Variants in TTC27 observed in about 807,000 individuals in gnomAD.
TTC27 encodes tetratricopeptide repeat domain 27.
A neutral mutation model predicts 115.9 loss-of-function variants in TTC27; 79 were observed. The observed-to-expected ratio is 0.68, with a 90% CI of 0.57 to 0.82. The LOEUF is 0.82. Ranked by LOEUF, TTC27 falls within the 40% of genes least tolerant of loss-of-function variation. The pLI is 0.00. For missense variants in TTC27, 1,054 were observed against 993.1 expected, an observed-to-expected ratio of 1.06 and a Z score of -0.82; for synonymous variants, 401 against 356.0, an observed-to-expected ratio of 1.13 and a Z score of -1.42.
chr2:32,790,830 T>A (rs1670511380), intron 16 of TTC27, among the ~76,000 whole-genome samples: 1 of 152,216 alleles, frequency 6.6e-6, no homozygotes, highest in Admixed American at 6.5e-5. Context: ...TATCTGAATT[T>A]ATTTCATCAG....
intron 13 of TTC27, among the ~76,000 whole-genome samples, chr2:32,764,493 C>A (rs1669557220): frequency 6.6e-6 from 1 of 152,164 alleles, no homozygotes; most frequent in Non-Finnish European, 1.5e-5. Context: ...GAGTTATCAT[C>A]TTTTTGCTGG....
At chr2:32,756,055 A>G (rs1304387507) in intron 12 of TTC27, among the ~76,000 whole-genome samples, 1 of 152,232 alleles carries the variant, frequency 6.6e-6, no homozygotes, top group Non-Finnish European at 1.5e-5. Flanking sequence ...CAACCAGATC[A>G]GATACCAATC....
intron 2 of TTC27, among the ~76,000 whole-genome samples, chr2:32,633,415 T>A (rs1664288590): frequency 6.6e-6 from 1 of 151,796 alleles, no homozygotes; most frequent in African/African-American, 2.4e-5. Flanking sequence ...AGACCTAATT[T>A]CTTTTTTTTT....
At chr2:32,694,691 T>TTC (rs1553551968) in intron 9 of TTC27, among the ~76,000 whole-genome samples, 2 of 150,614 alleles carry the variant, frequency 1.3e-5, no homozygotes, top group African/African-American at 2.4e-5. Flanking sequence ...TTTTTTTTTT[T>TTC]CCACAAGGTT....
intron 10 of TTC27, among the ~76,000 whole-genome samples, chr2:32,729,993 G>A (rs1013925676): frequency 6.6e-6 from 1 of 152,202 alleles, no homozygotes; most frequent in African/African-American, 2.4e-5. Context: ...TTCTGGGCGT[G>A]TGTGAAAGCT....
chr2:32,681,980 ATGTGTGTGTGTGTGTGTGTG>A lies in TTC27; in HGVS notation c.1119+3086_1119+3105del, dbSNP rs70938359. On this transcript the variant is annotated intron_variant, in intron 9 of 19. Coordinates refer to ENST00000317907, the MANE Select transcript of TTC27 (RefSeq NM_017735.5). ...TAATTATTTATATATATGTATATAT[ATGTGTGTGTGTGTGTGTGTG>A]TGTGTGTGTGTGTGTGTGTGTGTGT... 6.8e-4 allele frequency among the ~76,000 whole-genome samples: 61 copies of A among 90,042 alleles called. No homozygotes were observed. The South Asian group carries it at 0.02, about 29-fold the overall frequency. 59.1% of individuals were successfully genotyped at this position (90,042 alleles called of 152,430 possible).
intron 16 of TTC27, among the ~76,000 whole-genome samples, chr2:32,802,591 A>G (rs1670990560): frequency 6.6e-6 from 1 of 152,128 alleles, no homozygotes; most frequent in Non-Finnish European, 1.5e-5. Flanking sequence ...TGCCACATCC[A>G]GTGGACAGTT....
At chr2:32,784,026 T>C (rs1226686659) in intron 15 of TTC27, among the ~76,000 whole-genome samples, 1 of 152,212 alleles carries the variant, frequency 6.6e-6, no homozygotes, top group Non-Finnish European at 1.5e-5. Flanking sequence ...CTTTAGAAGA[T>C]CATATTATGT....
At chr2:32,642,272 G>C (rs970428724) in intron 4 of TTC27, among the ~76,000 whole-genome samples, 6 of 42,922 alleles carry the variant, frequency 1.4e-4, no homozygotes, top group African/African-American at 3.9e-4. Context: ...TTTTTTTTGA[G>C]ATGGAGTCTC....
At chr2:32,769,777 A>C (rs1038001521) in intron 13 of TTC27, among the ~76,000 whole-genome samples, 4 of 152,224 alleles carry the variant, frequency 2.6e-5, no homozygotes, top group African/African-American at 9.6e-5. Context: ...CTCTTATGTA[A>C]GTATGAACTC....
rs2063523591 is a variant in TTC27, at chr2:32,628,181, A to G, written c.-112A>G. The G allele has an allele frequency of 2.1e-6, 2 of 962,574 alleles. No individual in the cohort carries two copies. The highest frequency in any genetic ancestry group is 3.2e-6 in the Non-Finnish European group (2 of 625,812). 59.6% of individuals were successfully genotyped at this position (962,574 alleles called of 1,614,324 possible). On this transcript the variant is annotated 5_prime_UTR_variant, in exon 1 of 20. Transcript: ENST00000317907. ...TAGGGCCGCAGGTGTATTTACGGTA[A>G]CTGTCGCCACTAGATTTCAGCGCCT... is the stretch of plus-strand genomic sequence containing the variant.
intron 9 of TTC27, among the ~76,000 whole-genome samples, chr2:32,700,273 G>A (rs1667139111): frequency 6.6e-6 from 1 of 152,114 alleles, no homozygotes; most frequent in African/African-American, 2.4e-5. Flanking sequence ...TTTTAGAGAG[G>A]AGGAAAGTGA....
intron 10 of TTC27, among the ~76,000 whole-genome samples, chr2:32,703,671 C>G (rs1667267647): frequency 6.6e-6 from 1 of 152,168 alleles, no homozygotes; most frequent in African/African-American, 2.4e-5. Context: ...TCATTTAATG[C>G]TAATGTTTAT....
intron 16 of TTC27, among the ~76,000 whole-genome samples, chr2:32,800,447 C>T (rs1313856546): frequency 1.3e-5 from 2 of 152,000 alleles, no homozygotes; most frequent in Admixed American, 6.5e-5. Context: ...TCCCAAAGTG[C>T]TGGGATTACA....
At chr2:32,682,276 C>G (rs1666458276) in intron 9 of TTC27, among the ~76,000 whole-genome samples, 1 of 152,110 alleles carries the variant, frequency 6.6e-6, no homozygotes, top group Non-Finnish European at 1.5e-5. Flanking sequence ...CTAGGAATAA[C>G]CATCTGTTTC....
In TTC27 at chr2:32,628,253, C is replaced by G. The variant is rs752446754; in HGVS notation, c.-40C>G. On this transcript the variant is annotated 5_prime_UTR_variant, in exon 1 of 20. Coordinates refer to ENST00000317907, the MANE Select transcript of TTC27 (RefSeq NM_017735.5). ...TTCTTTTGTTGACTCCCGTGTGGCC[C>G]TCGTGGGAGCCTGTTTTGGCTGCAG... 7.6e-6 allele frequency: 12 copies of G among 1,579,000 alleles called. No individual in the cohort carries two copies. In the African/African-American group the frequency reaches 9.4e-5, roughly 12 times the overall value.
intron 16 of TTC27, among the ~76,000 whole-genome samples, chr2:32,797,345 A>AT (rs141433203): frequency 0.082 from 12,276 of 149,088 alleles, 801 homozygotes; most frequent in African/African-American, 0.19. Flanking sequence ...ACATCTAACA[A>AT]TTTTTTTTTT....
chr2:32,801,545 A>G (rs1379339980), intron 16 of TTC27, among the ~76,000 whole-genome samples: 1 of 152,216 alleles, frequency 6.6e-6, no homozygotes, highest in Non-Finnish European at 1.5e-5. Flanking sequence ...CAAAGACCCT[A>G]TTTCAGGTCA....
chr2:32,712,881 C>T (rs1396988857), intron 10 of TTC27, among the ~76,000 whole-genome samples: 4 of 152,146 alleles, frequency 2.6e-5, no homozygotes, highest in African/African-American at 9.7e-5. Flanking sequence ...ATCAGAAGAT[C>T]ACATCCTTTT....
Sources: gnomAD v4.1 joint callset for allele counts (sites outside exome capture counted in the v4.1 genomes callset) on GRCh38, gnomAD v4.1.1 for gene constraint, MANE v1.5 for transcripts, NCBI Gene and HGNC (gene_info 2026-07-23, HGNC 2026-07-21) for gene names.